CCDC102B: variants seen among roughly 807,000 people sequenced by gnomAD.
The protein encoded by CCDC102B is coiled-coil domain containing 102B.
A neutral mutation model predicts 57.4 loss-of-function variants in CCDC102B; 75 were observed. That is an observed-to-expected ratio of 1.31 (90% CI 1.08 to 1.58). The LOEUF (loss-of-function observed/expected upper bound fraction) is 1.58, where lower values mean the gene tolerates loss of function less well. CCDC102B is among the 40% of genes most tolerant of loss of function. CCDC102B has a pLI of 0.00. For missense variants in CCDC102B, 636 were observed against 582.6 expected, an observed-to-expected ratio of 1.09 and a Z score of -0.94; for synonymous variants, 206 against 201.9, an observed-to-expected ratio of 1.02 and a Z score of -0.17.
rs146576058 is a variant in CCDC102B at position 68,802,550 on chromosome 18, T to C, written c.-16+4369T>C. ...TTAATGGGAGAAATTCCAGTATTCATGGATTAGAACTAGGAGGGCTATCTC... is the reference window on the plus strand; with the variant it reads ...TTAATGGGAGAAATTCCAGTATTCACGGATTAGAACTAGGAGGGCTATCTC... On this transcript the variant is annotated intron_variant, in intron 1 of 7. Coordinates refer to ENST00000360242, the MANE Select transcript of CCDC102B (RefSeq NM_024781.3). 2.2e-4 allele frequency among the ~76,000 whole-genome samples: 33 copies of C among 152,300 alleles called. 1 individual carries two copies. Among genetic ancestry groups the C allele is most frequent in the African/African-American group, 6.5e-4 (27 of 41,558 alleles).
intron 2 of CCDC102B, among the ~76,000 whole-genome samples, chr18:68,770,376 T>A (rs1169483524): frequency 6.6e-6 from 1 of 152,256 alleles, no homozygotes; most frequent in Non-Finnish European, 1.5e-5. Context: ...TTATTTCTTA[T>A]GTATCCATGT....
At chr18:68,876,847 C>T (rs942748157) in intron 5 of CCDC102B, among the ~76,000 whole-genome samples, 1 of 152,086 alleles carries the variant, frequency 6.6e-6, no homozygotes, top group African/African-American at 2.4e-5. Context: ...CAAGCTGTCA[C>T]AGAGAAATAT....
intron 6 of CCDC102B, among the ~76,000 whole-genome samples, chr18:68,974,016 G>A (rs1016556076): frequency 6.6e-6 from 1 of 152,050 alleles, no homozygotes; most frequent in African/African-American, 2.4e-5. Flanking sequence ...TACTGAAGCT[G>A]ATATAAAGAA....
At chr18:68,797,048 A>T (rs2035653333), upstream of CCDC102B, among the ~76,000 whole-genome samples, 1 of 152,090 alleles carries the variant, frequency 6.6e-6, no homozygotes, top group Non-Finnish European at 1.5e-5. Flanking sequence ...ATGGTATTTA[A>T]CATCACGTGG....
chr18:68,835,234 C>G (rs1353232612), intron 1 of CCDC102B, among the ~76,000 whole-genome samples: 1 of 151,930 alleles, frequency 6.6e-6, no homozygotes, highest in Non-Finnish European at 1.5e-5. Flanking sequence ...GATTTTAATT[C>G]CTTTACAAAG....
chr18:69,025,775 T>C (rs115240911), intron 7 of CCDC102B, among the ~76,000 whole-genome samples: 1,899 of 152,324 alleles, frequency 0.012, 44 homozygotes, highest in African/African-American at 0.043. Context: ...TGTCAGACTT[T>C]TATATTTCAG....
chr18:68,977,570 C>T (rs954393435), intron 6 of CCDC102B, among the ~76,000 whole-genome samples: 4 of 145,768 alleles, frequency 2.7e-5, no homozygotes, highest in African/African-American at 1.0e-4. Flanking sequence ...AAAAAAAAAA[C>T]AGGTTGTAAA....
rs767222936 is a variant in CCDC102B at position 68,922,487 on chromosome 18, C to T, written c.1263+25059C>T. On this transcript the variant is annotated intron_variant, in intron 6 of 7. Coordinates refer to ENST00000360242, the MANE Select transcript of CCDC102B (RefSeq NM_024781.3). ...CTGAAGGCCAGTTGGGAGTCAGAAG[C>T]AGCACTTGAATTTTTATCAGTTCAA... is the stretch of plus-strand genomic sequence containing the variant. Among the ~76,000 whole-genome samples, 4 of 152,134 alleles carry T rather than the reference C, an allele frequency of 2.6e-5. No homozygotes were observed. The East Asian group carries it at 7.7e-4, about 29-fold the overall frequency.
chr18:68,930,140 C>T (rs975373391), intron 6 of CCDC102B, among the ~76,000 whole-genome samples: 4 of 150,666 alleles, frequency 2.7e-5, no homozygotes, highest in African/African-American at 9.7e-5. Context: ...GTGAAGGGCC[C>T]AGATACTTGG....
intron 7 of CCDC102B, among the ~76,000 whole-genome samples, chr18:69,016,110 G>A (rs963414349): frequency 6.7e-6 from 1 of 149,616 alleles, no homozygotes; most frequent in Admixed American, 6.7e-5. Flanking sequence ...GGATCCGCCC[G>A]CCTCAGCCTT....
intron 2 of CCDC102B, among the ~76,000 whole-genome samples, chr18:68,737,393 C>T (rs1409125038): frequency 6.6e-6 from 1 of 151,970 alleles, no homozygotes; most frequent in African/African-American, 2.4e-5. Context: ...CTCTCATACC[C>T]AAGATCTCCC....
intron 6 of CCDC102B, among the ~76,000 whole-genome samples, chr18:68,921,342 C>A (rs1352336195): frequency 6.6e-6 from 1 of 152,052 alleles, no homozygotes; most frequent in African/African-American, 2.4e-5. Flanking sequence ...GGAGTTTCCC[C>A]ACACAAGCTC....
In CCDC102B at chr18:68,726,845, T is replaced by C. The variant is rs554699514; in HGVS notation, c.-67+10251T>C. On this transcript the variant is annotated intron_variant, in intron 2 of 3. Transcript: ENST00000578970. The stretch of plus-strand genomic sequence containing the variant: ...AGCTTTACCATGATCATGAATCTGA[T>C]TGGGGATCTGATTGCAGATGGTTCA... Among the ~76,000 whole-genome samples the C allele has an allele frequency of 5.3e-5, 8 of 152,272 alleles. No homozygotes were observed. The South Asian group carries it at 1.7e-3, about 32-fold the overall frequency.
At chr18:68,737,264 C>A (rs1184605619) in intron 2 of CCDC102B, among the ~76,000 whole-genome samples, 2 of 152,080 alleles carry the variant, frequency 1.3e-5, no homozygotes, top group South Asian at 4.1e-4. Context: ...TTGTTTCTCA[C>A]ATTAAGTTCC....
At chr18:68,925,390 C>A (rs2041443992) in intron 6 of CCDC102B, among the ~76,000 whole-genome samples, 1 of 151,908 alleles carries the variant, frequency 6.6e-6, no homozygotes, top group South Asian at 2.1e-4. Context: ...GGGGCTAGAA[C>A]CACAGCACAC....
intron 7 of CCDC102B, among the ~76,000 whole-genome samples, chr18:69,047,507 T>C (rs74419888): frequency 0.012 from 1,894 of 152,138 alleles, 49 homozygotes; most frequent in African/African-American, 0.043. Context: ...GTCTCACCAC[T>C]CCTATTCAAC....
At chr18:69,051,960 A>G (rs1432334540) in intron 7 of CCDC102B, among the ~76,000 whole-genome samples, 2 of 151,950 alleles carry the variant, frequency 1.3e-5, no homozygotes, top group Non-Finnish European at 1.5e-5. Flanking sequence ...ACATTTTTCT[A>G]TAGTTGAAGT....
At chr18:68,777,342 G>A (rs923596530) in intron 2 of CCDC102B, among the ~76,000 whole-genome samples, 2 of 152,112 alleles carry the variant, frequency 1.3e-5, no homozygotes, top group Non-Finnish European at 2.9e-5. Flanking sequence ...TGTGCTGTTG[G>A]AGTCCCACAT....
At chr18:68,736,496 G>A (rs944703342) in intron 2 of CCDC102B, among the ~76,000 whole-genome samples, 5 of 152,072 alleles carry the variant, frequency 3.3e-5, no homozygotes, top group Admixed American at 6.5e-5. Flanking sequence ...CTTGCACCGC[G>A]CACATCTTTA....
Sources: allele counts gnomAD v4.1 joint callset (sites outside exome capture counted in the v4.1 genomes callset), GRCh38; gene constraint gnomAD v4.1.1; transcripts MANE v1.5; gene names NCBI Gene and HGNC (gene_info 2026-07-23, HGNC 2026-07-21).